TMEM116: variants seen among roughly 807,000 people sequenced by gnomAD.
The protein encoded by TMEM116 is transmembrane protein 116.
In TMEM116, 38 loss-of-function variants were observed where a neutral mutation model predicts 44.3. That is an observed-to-expected ratio of 0.86 (90% CI 0.66 to 1.12). TMEM116 has a LOEUF of 1.12. Among genes scored for constraint, TMEM116 ranks in the 50% most tolerant of loss-of-function variants. TMEM116 has a pLI of 0.00. For synonymous variants in TMEM116, 132 were observed against 144.8 expected (o/e 0.91, Z 0.64); for missense variants, 354 against 401.7 (o/e 0.88, Z 1.01).
chr12:112,013,149 G>A lies in TMEM116; in HGVS notation c.-181C>T, dbSNP rs1163263304. 9.1e-6 allele frequency: 3 copies of A among 330,554 alleles called. No homozygotes were observed. Among genetic ancestry groups the A allele is most frequent in the East Asian group, 1.0e-4 (2 of 19,656 alleles). The allele number at this position is 330,554 out of a possible 1,614,324, so 20.5% of individuals were successfully genotyped here. A position where few individuals can be genotyped will look rare whatever the true frequency, so the allele number is the denominator to read the frequency against. ...GCGCACTTGGCGCTTCTCCTCAAGC[G>A]GAGCAGGAACGGAACTGGGCGGACC... On this transcript the variant is annotated 5_prime_UTR_variant, in exon 1 of 11. Coordinates refer to ENST00000552374, the MANE Select transcript of TMEM116 (RefSeq NM_001193531.2).
chr12:111,934,301 TC>T, intron 8 of TMEM116: 5 of 331,676 alleles, frequency 1.5e-5, no homozygotes, highest in East Asian at 1.2e-4. Flanking sequence ...TCTGGGCATT[TC>T]CCCCCACTGA....
At chr12:111,938,353 A>G (rs3752631) in intron 5 of TMEM116, 143 bp from the exon 6 acceptor site, 82,744 of 512,538 alleles carry the variant, frequency 0.16, 7,291 homozygotes, top group African/African-American at 0.27. Context: ...TTGCTATAAA[A>G]TTCATCAAAT....
In TMEM116 at chr12:112,013,090, A is replaced by C; in HGVS notation, c.-122T>G. 4.8e-6 allele frequency: 1 copy of C among 209,522 alleles called. No individual in the cohort carries two copies. The highest frequency in any genetic ancestry group is 9.6e-6 in the Non-Finnish European group (1 of 103,804). The allele number at this position is 209,522 out of a possible 1,614,324, so 13.0% of individuals were successfully genotyped here. ...GGCCTTGTCATCTTCGAAGGAGAGG[A>C]AGGACAGCAAACGAATTGCTATAGC... On this transcript the variant is annotated 5_prime_UTR_variant, in exon 1 of 11. Transcript: ENST00000552374.
At chr12:111,966,344 C>A (rs892033845) in intron 4 of TMEM116, among the ~76,000 whole-genome samples, 1 of 152,090 alleles carries the variant, frequency 6.6e-6, no homozygotes, top group African/African-American at 2.4e-5. Flanking sequence ...TGGTACCAGA[C>A]TTAAGGTGAT....
chr12:111,992,271 T>A (rs1258829978), intron 3 of TMEM116, among the ~76,000 whole-genome samples: 1 of 145,472 alleles, frequency 6.9e-6, no homozygotes. Context: ...ATCTTCTACT[T>A]TTTTTTTTTT....
At chr12:111,940,367 CTTTTT>C (rs1412110989) in intron 5 of TMEM116, among the ~76,000 whole-genome samples, 3 of 148,002 alleles carry the variant, frequency 2.0e-5, no homozygotes, top group Non-Finnish European at 4.5e-5. Flanking sequence ...GTTTTCTTTT[CTTTTT>C]ATTTTTTTGA....
chr12:111,992,023 T>G, intron 3 of TMEM116, 134 bp from the exon 4 acceptor site: 1 of 900,182 alleles, frequency 1.1e-6, no homozygotes, highest in South Asian at 1.7e-5. Context: ...ATTGGTTGAT[T>G]GTGGGCAATG....
At chr12:111,960,445 T>C (rs1415521644) in intron 4 of TMEM116, among the ~76,000 whole-genome samples, 2 of 139,074 alleles carry the variant, frequency 1.4e-5, no homozygotes, top group African/African-American at 2.8e-5. Context: ...TGAGCCGAGA[T>C]TGCACCACTG....
In TMEM116 at chr12:111,934,307, C is replaced by A. The variant is rs146308973; in HGVS notation, c.589-277G>T. 894 of 321,650 alleles carry A rather than the reference C, an allele frequency of 2.8e-3. 13 individuals carry two copies. The highest frequency in any genetic ancestry group is 0.018 in the African/African-American group (837 of 46,630). 19.9% of individuals were successfully genotyped at this position (321,650 alleles called of 1,614,324 possible). On this transcript the variant is annotated intron_variant, in intron 8 of 10. Transcript: ENST00000552374. ...ACATCAACCTCTGGGCATTTCCCCCCACTGAGGCTAATCACAGTTTACCCA... is the reference window on the plus strand; with the variant it reads ...ACATCAACCTCTGGGCATTTCCCCCAACTGAGGCTAATCACAGTTTACCCA...
chr12:111,983,094 A>G (rs2076032784), intron 4 of TMEM116, among the ~76,000 whole-genome samples: 1 of 151,916 alleles, frequency 6.6e-6, no homozygotes, highest in South Asian at 2.1e-4. Flanking sequence ...ACAGGAGTTC[A>G]AGACTAGCCT....
intron 7 of TMEM116, 102 bp from the exon 8 acceptor site, chr12:111,936,932 C>T (rs1350464678): frequency 1.2e-5 from 16 of 1,332,826 alleles, no homozygotes; most frequent in African/African-American, 8.9e-5. Context: ...ATTTTGCTAA[C>T]TCTTGCTCAT....
At chr12:111,992,211 G>A (rs943027177) in intron 3 of TMEM116, among the ~76,000 whole-genome samples, 1 of 152,100 alleles carries the variant, frequency 6.6e-6, no homozygotes, top group African/African-American at 2.4e-5. Flanking sequence ...TTTTGTGGTG[G>A]AGATGTACCA....
intron 1 of TMEM116, among the ~76,000 whole-genome samples, chr12:112,009,055 T>C (rs978571756): frequency 6.6e-6 from 1 of 151,970 alleles, no homozygotes; most frequent in Admixed American, 6.6e-5. Context: ...GTAAAATTAC[T>C]GCCAATAAAA....
chr12:111,998,007 T>C (rs2077025034), intron 3 of TMEM116, among the ~76,000 whole-genome samples: 1 of 152,178 alleles, frequency 6.6e-6, no homozygotes, highest in Admixed American at 6.5e-5. Context: ...TCAAGAAATA[T>C]ATAAAGAAAA....
chr12:112,007,735 T>C (rs1191835628), intron 1 of TMEM116, among the ~76,000 whole-genome samples: 1 of 152,248 alleles, frequency 6.6e-6, no homozygotes, highest in Admixed American at 6.5e-5. Flanking sequence ...ACAAATCTCA[T>C]GTTGCTCAGA....
At chr12:112,008,393 T>C (rs1399725928) in intron 1 of TMEM116, among the ~76,000 whole-genome samples, 3 of 151,812 alleles carry the variant, frequency 2.0e-5, no homozygotes, top group African/African-American at 4.8e-5. Flanking sequence ...AGACAGAGAA[T>C]TGCTTGAACC....
rs772384223 is a variant in TMEM116 at position 111,933,881 on chromosome 12, C to T, written c.733+5G>A. The stretch of plus-strand genomic sequence containing the variant: ...ACTGCCCATCTCTTCTTGTTAAGTA[C>T]CTACCTGGGCCCCAGCAGCAAAAGA... On this transcript the variant is annotated splice_donor_5th_base_variant and intron_variant, in intron 9 of 10. Transcript: ENST00000552374. 2.5e-6 allele frequency: 4 copies of T among 1,613,716 alleles called. No individual in the cohort carries two copies. Among genetic ancestry groups the T allele is most frequent in the Non-Finnish European group, 3.4e-6 (4 of 1,179,878 alleles).
At chr12:111,988,371 T>C (rs1181465858) in intron 4 of TMEM116, among the ~76,000 whole-genome samples, 1 of 152,216 alleles carries the variant, frequency 6.6e-6, no homozygotes, top group Non-Finnish European at 1.5e-5. Context: ...AATTTTACGT[T>C]ATGTATAGTT....
At chr12:111,995,665 G>A (rs750638369) in intron 3 of TMEM116, among the ~76,000 whole-genome samples, 5 of 152,048 alleles carry the variant, frequency 3.3e-5, no homozygotes, top group Non-Finnish European at 7.4e-5. Flanking sequence ...TTGAACCCAG[G>A]AGGCGGAGGT....
Sources: allele counts gnomAD v4.1 joint callset (sites outside exome capture counted in the v4.1 genomes callset), GRCh38; gene constraint gnomAD v4.1.1; transcripts MANE v1.5; gene names NCBI Gene and HGNC (gene_info 2026-07-23, HGNC 2026-07-21).